ROBO1: variants seen among roughly 807,000 people sequenced by gnomAD.
ROBO1 encodes the protein roundabout homolog 1.
In ROBO1, 149 loss-of-function variants were observed where a neutral mutation model predicts 195.9. That is an observed-to-expected ratio of 0.76 (90% confidence interval 0.67 to 0.87). The LOEUF is 0.87. Ranked by LOEUF, ROBO1 falls within the 40% of genes least tolerant of loss-of-function variation. The pLI is 0.00. For synonymous variants in ROBO1, 816 were observed against 733.2 expected, an observed-to-expected ratio of 1.11 and a Z score of -1.82; for missense variants, 1,933 against 2,068.3, an observed-to-expected ratio of 0.93 and a Z score of 1.27.
intron 1 of ROBO1, among the ~76,000 whole-genome samples, chr3:79,762,096 A>G (rs1704730067): frequency 6.6e-6 from 1 of 152,196 alleles, no homozygotes; most frequent in Non-Finnish European, 1.5e-5. Context: ...TGCTACAACA[A>G]AGTGCTATGG....
chr3:79,304,350 T>TA (rs879650515), intron 2 of ROBO1, among the ~76,000 whole-genome samples: 17 of 151,978 alleles, frequency 1.1e-4, no homozygotes, highest in East Asian at 5.8e-4. Flanking sequence ...ACCTTTCAGT[T>TA]AAAAAAAATA....
At chr3:79,423,525 A>G (rs934840764) in intron 2 of ROBO1, among the ~76,000 whole-genome samples, 17 of 152,114 alleles carry the variant, frequency 1.1e-4, no homozygotes, top group African/African-American at 4.1e-4. Context: ...AAATAGGTCC[A>G]TATTTATCTA....
chr3:79,725,588 T>C (rs949601440), intron 1 of ROBO1, among the ~76,000 whole-genome samples: 1 of 152,166 alleles, frequency 6.6e-6, no homozygotes, highest in East Asian at 1.9e-4. Context: ...ATGATTTTCA[T>C]TTTAAGAGTG....
At chr3:78,865,170 A>G (rs1461024746) in intron 4 of ROBO1, among the ~76,000 whole-genome samples, 1 of 152,208 alleles carries the variant, frequency 6.6e-6, no homozygotes, top group Admixed American at 6.5e-5. Context: ...GGAGTACTCA[A>G]CCACAGATCC....
intron 3 of ROBO1, among the ~76,000 whole-genome samples, chr3:79,005,325 A>C (rs2077595807): frequency 6.6e-6 from 1 of 152,186 alleles, no homozygotes; most frequent in African/African-American, 2.4e-5. Flanking sequence ...ATTTAGCATG[A>C]GGAGGGCTGC....
chr3:79,521,500 G>GA (rs1941208171), intron 2 of ROBO1, among the ~76,000 whole-genome samples: 1 of 152,110 alleles, frequency 6.6e-6, no homozygotes, highest in Non-Finnish European at 1.5e-5. Context: ...TAATTCAGAT[G>GA]AAAAATGCTA....
intron 2 of ROBO1, among the ~76,000 whole-genome samples, chr3:79,416,682 C>T (rs559453779): frequency 6.6e-6 from 1 of 151,582 alleles, no homozygotes; most frequent in Non-Finnish European, 1.5e-5. Flanking sequence ...CTTGGTGTTG[C>T]TTTGGTTGGA....
intron 2 of ROBO1, among the ~76,000 whole-genome samples, chr3:79,303,811 A>G (rs546433805): frequency 1.4e-4 from 22 of 152,260 alleles, no homozygotes; most frequent in Non-Finnish European, 2.6e-4. Context: ...GAGAACCACC[A>G]TTCTCAACTT....
intron 4 of ROBO1, among the ~76,000 whole-genome samples, chr3:78,878,596 A>AC (rs2035994171): frequency 6.6e-6 from 1 of 151,160 alleles, no homozygotes; most frequent in Non-Finnish European, 1.5e-5. Context: ...AAAAAAAAAA[A>AC]AAAAAAAAAA....
chr3:79,280,640 A>G (rs1455495476), intron 2 of ROBO1, among the ~76,000 whole-genome samples: 1 of 152,102 alleles, frequency 6.6e-6, no homozygotes, highest in African/African-American at 2.4e-5. Context: ...GCGGTCCCCA[A>G]CCTTTTTGGC....
At chr3:79,307,006 G>T (rs2033253028) in intron 2 of ROBO1, among the ~76,000 whole-genome samples, 2 of 149,636 alleles carry the variant, frequency 1.3e-5, no homozygotes, top group Non-Finnish European at 3.0e-5. Flanking sequence ...AAACTAGGAA[G>T]AACTTCCTAA....
At chr3:79,338,932 T>G (rs1166940052) in intron 2 of ROBO1, among the ~76,000 whole-genome samples, 2 of 152,196 alleles carry the variant, frequency 1.3e-5, no homozygotes, top group Non-Finnish European at 2.9e-5. Flanking sequence ...CAAACTTTGA[T>G]TTTACATCCC....
chr3:79,017,984 T>G (rs1031601000), intron 3 of ROBO1, among the ~76,000 whole-genome samples: 12 of 152,218 alleles, frequency 7.9e-5, no homozygotes, highest in Admixed American at 2.0e-4. Context: ...CTGGCAAGCC[T>G]GCGGGCCACA....
chr3:79,086,933 T>G (rs1352288426), intron 3 of ROBO1, among the ~76,000 whole-genome samples: 3 of 152,134 alleles, frequency 2.0e-5, no homozygotes, highest in African/African-American at 7.2e-5. Flanking sequence ...CTAACATATT[T>G]TCTATAGGTT....
intron 5 of ROBO1, among the ~76,000 whole-genome samples, chr3:78,724,921 C>T (rs924126032): frequency 5.9e-5 from 9 of 152,240 alleles, no homozygotes; most frequent in African/African-American, 9.6e-5. Context: ...TCTCTTCCTG[C>T]GGCTGGATTT....
chr3:78,968,380 T>A (rs1378286862), intron 3 of ROBO1, among the ~76,000 whole-genome samples: 1 of 151,022 alleles, frequency 6.6e-6, no homozygotes, highest in Admixed American at 6.6e-5. Context: ...GTTCAACCAA[T>A]TCTCCTCCCG....
intron 2 of ROBO1, among the ~76,000 whole-genome samples, chr3:79,330,373 C>T (rs967993019): frequency 1.3e-5 from 2 of 149,720 alleles, no homozygotes; most frequent in Non-Finnish European, 3.0e-5. Context: ...GTTTGGCAAA[C>T]TAAGACTCAA....
chr3:78,901,347 C>T (rs2107472154), intron 4 of ROBO1, among the ~76,000 whole-genome samples: 1 of 152,222 alleles, frequency 6.6e-6, no homozygotes, highest in African/African-American at 2.4e-5. Context: ...ATAAAGTTCA[C>T]TTAGATTAGA....
intron 2 of ROBO1, among the ~76,000 whole-genome samples, chr3:79,211,424 A>C (rs1411306716): frequency 6.6e-6 from 1 of 152,186 alleles, no homozygotes; most frequent in Non-Finnish European, 1.5e-5. Context: ...AGCACTAATC[A>C]AAACTTCTTT....
Sources: allele counts gnomAD v4.1 joint callset (sites outside exome capture counted in the v4.1 genomes callset), GRCh38; gene constraint gnomAD v4.1.1; transcripts MANE v1.5; gene names NCBI Gene and HGNC (gene_info 2026-07-23, HGNC 2026-07-21).